RALYL: variants seen among roughly 807,000 people sequenced by gnomAD.
RALYL encodes the protein RNA-binding Raly-like protein.
In RALYL, 29 loss-of-function variants were observed where a neutral mutation model predicts 35.1. The ratio of observed to expected loss-of-function variants is 0.83; its 90% CI spans 0.61 to 1.13. RALYL has a LOEUF of 1.13. RALYL is among the 50% of genes most tolerant of loss of function. The pLI is 0.00. For synonymous variants in RALYL, 120 were observed against 127.6 expected, an observed-to-expected ratio of 0.94 and a Z score of 0.40; for missense variants, 359 against 360.4, an observed-to-expected ratio of 1.00 and a Z score of 0.03.
chr8:84,862,429 G>T lies in RALYL; in HGVS notation c.547G>T (p.Ala183Ser), dbSNP rs764132334. The T allele has an allele frequency of 1.1e-5, 17 of 1,604,046 alleles. No individual in the cohort carries two copies. The highest frequency in any genetic ancestry group is 1.4e-5 in the Non-Finnish European group (17 of 1,176,098). Residue 183 changes from alanine to serine, a missense_variant, in exon 6 of 9, where the codon GCC becomes TCC. By Grantham distance (99) the Ala-to-Ser change is moderately conservative (BLOSUM62 1). Coordinates refer to ENST00000521268, the MANE Select transcript of RALYL (RefSeq NM_173848.7). ...FSMKGGSRST[A>S]SGSTGSKLKS... ...CATGAAAGGTGGATCGAGATCTACTGCCAGTGGGTCAACAGGTTCTAAATG... is the reference window on the plus strand; with the variant it reads ...CATGAAAGGTGGATCGAGATCTACTTCCAGTGGGTCAACAGGTTCTAAATG...
chr8:84,481,323 T>C (rs1319316445), intron 1 of RALYL, among the ~76,000 whole-genome samples: 1 of 152,166 alleles, frequency 6.6e-6, no homozygotes, highest in Non-Finnish European at 1.5e-5. Flanking sequence ...AATTCATGAG[T>C]ATTTTGTTGC....
chr8:84,454,521 A>G (rs2049912497), intron 1 of RALYL, among the ~76,000 whole-genome samples: 1 of 152,006 alleles, frequency 6.6e-6, no homozygotes, highest in Non-Finnish European at 1.5e-5. Flanking sequence ...TTTTAAATCA[A>G]CTCGATTTGT....
At chr8:84,462,699 T>A (rs1294049594) in intron 1 of RALYL, among the ~76,000 whole-genome samples, 1 of 151,570 alleles carries the variant, frequency 6.6e-6, no homozygotes, top group Non-Finnish European at 1.5e-5. Flanking sequence ...ATTTATTTAC[T>A]GAGTTTCTAG....
intron 1 of RALYL, among the ~76,000 whole-genome samples, chr8:84,359,160 C>T (rs1028788401): frequency 2.0e-5 from 3 of 151,386 alleles, no homozygotes; most frequent in African/African-American, 7.3e-5. Context: ...CAGTATGTAA[C>T]CCTAATTTTA....
At chr8:84,704,399 T>A (rs952549419) in intron 2 of RALYL, among the ~76,000 whole-genome samples, 1 of 151,332 alleles carries the variant, frequency 6.6e-6, no homozygotes, top group Non-Finnish European at 1.5e-5. Context: ...TACTCCAGCC[T>A]AGGTAACAGA....
At chr8:84,843,377 G>A (rs7834969) in intron 4 of RALYL, among the ~76,000 whole-genome samples, 6,026 of 152,076 alleles carry the variant, frequency 0.04, 402 homozygotes, top group African/African-American at 0.14. Context: ...ATTGCTTCAA[G>A]GAGAATAAAA....
Position 84,887,795 on chromosome 8 carries a change from G to T in RALYL, c.858+19G>T. ...TGAGCTGGTAGGAAAGAAACATTTG[G>T]TATTCACACCCTTTGGGTAACAACA... On this transcript the variant is annotated intron_variant, in intron 8 of 8. Coordinates refer to ENST00000521268, the MANE Select transcript of RALYL (RefSeq NM_173848.7). The T allele has an allele frequency of 6.2e-7, 1 of 1,603,608 alleles. No individual in the cohort carries two copies. Among genetic ancestry groups the T allele is most frequent in the Non-Finnish European group, 8.5e-7 (1 of 1,174,572 alleles).
chr8:84,354,065 A>ATTT (rs11400271), intron 1 of RALYL, among the ~76,000 whole-genome samples: 1 of 144,602 alleles, frequency 6.9e-6, no homozygotes, highest in Admixed American at 6.8e-5. Context: ...TAAAAAATAG[A>ATTT]TTTTTTTTTT....
chr8:84,296,497 G>T (rs367587705), intron 1 of RALYL, among the ~76,000 whole-genome samples: 3 of 152,006 alleles, frequency 2.0e-5, no homozygotes, highest in East Asian at 3.9e-4. Flanking sequence ...AAATGCCCCA[G>T]GCTCCTTATG....
intron 1 of RALYL, among the ~76,000 whole-genome samples, chr8:84,212,077 A>T (rs1819622694): frequency 1.3e-5 from 2 of 152,154 alleles, no homozygotes; most frequent in African/African-American, 4.8e-5. Flanking sequence ...ACAATTGTGA[A>T]TTCTGCCTCT....
chr8:84,296,691 T>G (rs1178898174), intron 1 of RALYL, among the ~76,000 whole-genome samples: 1 of 145,548 alleles, frequency 6.9e-6, no homozygotes, highest in African/African-American at 2.5e-5. Flanking sequence ...TAGGAAAAGT[T>G]AAATCTGCTC....
At chr8:84,209,766 A>G (rs1819000753) in intron 1 of RALYL, among the ~76,000 whole-genome samples, 1 of 152,190 alleles carries the variant, frequency 6.6e-6, no homozygotes, top group Admixed American at 6.5e-5. Flanking sequence ...GAAAAACATG[A>G]CAAAGTAGAT....
At chr8:84,315,647 A>G (rs1205953876) in intron 1 of RALYL, among the ~76,000 whole-genome samples, 1 of 152,124 alleles carries the variant, frequency 6.6e-6, no homozygotes, top group Non-Finnish European at 1.5e-5. Context: ...ATTTCTTGTT[A>G]ATGTAAGCTC....
intron 1 of RALYL, among the ~76,000 whole-genome samples, chr8:84,426,474 G>GTGTGT (rs1554662503): frequency 2.1e-5 from 3 of 145,408 alleles, no homozygotes; most frequent in South Asian, 4.8e-4. Flanking sequence ...GTGTGTGTGT[G>GTGTGT]GGTTTAGATT....
At chr8:84,651,717 A>C (rs1283046412) in intron 2 of RALYL, among the ~76,000 whole-genome samples, 2 of 152,068 alleles carry the variant, frequency 1.3e-5, no homozygotes, top group Admixed American at 6.6e-5. Flanking sequence ...TATGAAAAAA[A>C]CTTAAGAGAA....
At chr8:84,221,839 C>G (rs1346533461) in intron 1 of RALYL, among the ~76,000 whole-genome samples, 1 of 151,992 alleles carries the variant, frequency 6.6e-6, no homozygotes, top group African/African-American at 2.4e-5. Flanking sequence ...ATTCTGTATT[C>G]TTGGAATTCT....
At chr8:84,185,718 A>G (rs1369136714) in intron 1 of RALYL, among the ~76,000 whole-genome samples, 2 of 152,214 alleles carry the variant, frequency 1.3e-5, no homozygotes, top group African/African-American at 4.8e-5. Flanking sequence ...TAAAATAAAC[A>G]TAAAGCAAAT....
chr8:84,872,585 C>T (rs1268151845), intron 6 of RALYL: 1 of 151,946 alleles, frequency 6.6e-6, no homozygotes, highest in African/African-American at 2.4e-5. Flanking sequence ...TATGTTAGTC[C>T]CCAGTTGTTT....
chr8:84,599,349 C>T (rs1196992274), intron 2 of RALYL, among the ~76,000 whole-genome samples: 2 of 151,756 alleles, frequency 1.3e-5, no homozygotes, highest in South Asian at 2.1e-4. Flanking sequence ...TATGTCATAG[C>T]ATCACTTTGT....
Sources: allele counts gnomAD v4.1 joint callset (sites outside exome capture counted in the v4.1 genomes callset), GRCh38; gene constraint gnomAD v4.1.1; transcripts MANE v1.5; gene names NCBI Gene and HGNC (gene_info 2026-07-23, HGNC 2026-07-21).